The following ESRRB variants were observed in gnomAD, a reference collection of about 807,000 sequenced individuals.
ESRRB encodes steroid hormone receptor ERR2.
Under a neutral mutation model 46.0 loss-of-function variants are expected in ESRRB, and 16 were observed. The ratio of observed to expected loss-of-function variants is 0.35; its 90% CI spans 0.24 to 0.53. ESRRB has a LOEUF of 0.53. Among genes scored for constraint, ESRRB ranks in the 20% least tolerant of loss-of-function variants. ESRRB has a pLI of 0.93. For synonymous variants in ESRRB, 246 were observed against 259.6 expected (o/e 0.95, Z 0.50); for missense variants, 488 against 607.4 (o/e 0.80, Z 2.07).
At chr14:76,405,120 A>G (rs530060109) in intron 1 of ESRRB, among the ~76,000 whole-genome samples, 43 of 152,092 alleles carry the variant, frequency 2.8e-4, no homozygotes, top group Admixed American at 1.8e-3. Context: ...ATTGTTTTTT[A>G]GATAGGGCCT....
chr14:76,407,601 G>C, intron 1 of ESRRB: 1 of 985,944 alleles, frequency 1.0e-6, no homozygotes. Context: ...CAGAGGGTAA[G>C]TTGGGTCCAG....
intron 1 of ESRRB, among the ~76,000 whole-genome samples, chr14:76,419,110 G>T (rs1161482038): frequency 5.9e-5 from 9 of 152,028 alleles, no homozygotes; most frequent in Admixed American, 2.6e-4. Flanking sequence ...CGCCTCTCAG[G>T]TTCAAACGAT....
chr14:76,463,198 C>T (rs1381581648), intron 3 of ESRRB: 1 of 213,456 alleles, frequency 4.7e-6, no homozygotes, highest in African/African-American at 2.3e-5. Context: ...CTCCCTGCGT[C>T]CTCTGTCTCT....
intron 1 of ESRRB, among the ~76,000 whole-genome samples, chr14:76,431,466 C>T (rs1273260239): frequency 3.3e-5 from 5 of 152,158 alleles, no homozygotes; most frequent in Non-Finnish European, 7.3e-5. Context: ...CTTTGTAATC[C>T]AGCAGAGCAA....
intron 2 of ESRRB, among the ~76,000 whole-genome samples, chr14:76,450,240 C>T (rs991710493): frequency 1.3e-5 from 2 of 152,044 alleles, no homozygotes; most frequent in South Asian, 2.1e-4. Context: ...CTGGGACCAG[C>T]GTTCCAGGCA....
At position 76,333,170 on chromosome 14, in the gene ESRRB, T is replaced by A. The variant is rs1284518433; in HGVS notation, c.2+22254T>A. 8.8e-4 allele frequency among the ~76,000 whole-genome samples: 16 copies of A among 18,248 alleles called. 5 individuals are homozygous for A. 12.0% of individuals were successfully genotyped at this position (18,248 alleles called of 152,430 possible). On this transcript the variant is annotated intron_variant, in intron 1 of 6. Coordinates refer to the ESRRB transcript ENST00000512784. Reference sequence around the variant, plus strand: ...TATATTATATATAATATATATTATATATACTATATATATATTATATATTAT... The same window carrying A: ...TATATTATATATAATATATATTATAAATACTATATATATATTATATATTAT...
chr14:76,331,058 A>C (rs534718849), intron 1 of ESRRB, among the ~76,000 whole-genome samples: 31 of 152,082 alleles, frequency 2.0e-4, no homozygotes, highest in African/African-American at 7.5e-4. Flanking sequence ...AACTTGGGGG[A>C]GATGGCCAAG....
intron 3 of ESRRB, among the ~76,000 whole-genome samples, chr14:76,477,287 G>A (rs549533088): frequency 2.0e-5 from 3 of 152,252 alleles, no homozygotes; most frequent in Admixed American, 1.3e-4. Context: ...AGAACCCATC[G>A]AATCGAAGAG....
intron 1 of ESRRB, among the ~76,000 whole-genome samples, chr14:76,341,450 G>C (rs751583528): frequency 1.3e-5 from 2 of 152,222 alleles, no homozygotes; most frequent in Non-Finnish European, 2.9e-5. Context: ...GTTTCACCCG[G>C]CTCTCCTGCC....
intron 3 of ESRRB, among the ~76,000 whole-genome samples, chr14:76,465,655 CT>C (rs1889075591): frequency 6.6e-6 from 1 of 152,164 alleles, no homozygotes; most frequent in Non-Finnish European, 1.5e-5. Context: ...AAATATAGCC[CT>C]TTGGTTGATG....
chr14:76,386,387 A>G (rs1885228011), intron 1 of ESRRB, among the ~76,000 whole-genome samples: 1 of 151,822 alleles, frequency 6.6e-6, no homozygotes, highest in Non-Finnish European at 1.5e-5. Context: ...GATAAGAAAC[A>G]CATTGCTCTT....
intron 1 of ESRRB, among the ~76,000 whole-genome samples, chr14:76,342,426 A>G (rs1884202073): frequency 1.3e-5 from 2 of 152,186 alleles, no homozygotes; most frequent in African/African-American, 2.4e-5. Flanking sequence ...GAGCCCTCAG[A>G]CCACTCCAAG....
chr14:76,494,995 T>C (rs1890366682), intron 6 of ESRRB, among the ~76,000 whole-genome samples: 1 of 152,200 alleles, frequency 6.6e-6, no homozygotes, highest in Admixed American at 6.5e-5. Flanking sequence ...TCAGCTGCTC[T>C]TCCCTTGATC....
rs1890639546 is a variant in ESRRB, at chr14:76,500,989, G to A, written c.*2531G>A. On this transcript the variant is annotated 3_prime_UTR_variant, in exon 7 of 7. Transcript: ENST00000644823. The stretch of plus-strand genomic sequence containing the variant: ...GGACACTCAGAAAAGAAGTTCAGGG[G>A]CCAACTTCTTAGCTGGAATCCTGGC... The A allele has an allele frequency of 5.5e-6, 3 of 543,902 alleles. No individual in the cohort carries two copies. Among genetic ancestry groups the A allele is most frequent in the Non-Finnish European group, 9.9e-6 (3 of 303,196 alleles). 33.7% of individuals were successfully genotyped at this position (543,902 alleles called of 1,614,324 possible). A position where few individuals can be genotyped will look rare whatever the true frequency, so the allele number is the denominator to read the frequency against.
rs552106471 is a variant in ESRRB, at chr14:76,494,507, A to G, written c.1120+2791A>G. 3.3e-5 allele frequency among the ~76,000 whole-genome samples: 5 copies of G among 152,208 alleles called. No individual in the cohort carries two copies. The East Asian group carries it at 9.7e-4, about 29-fold the overall frequency. On this transcript the variant is annotated intron_variant, in intron 6 of 6. Coordinates refer to ENST00000644823, the MANE Select transcript of ESRRB (RefSeq NM_001379180.1). ...TTTTTAGTAGAGACATGGTTTCACC[A>G]TGTTGGCCAGGCTGGTCTCAAACTC...
intron 2 of ESRRB, among the ~76,000 whole-genome samples, chr14:76,459,249 T>C (rs1236927245): frequency 6.6e-6 from 1 of 152,058 alleles, no homozygotes; most frequent in Non-Finnish European, 1.5e-5. Flanking sequence ...CTGACAAGCA[T>C]TCGCCAGTGT....
intron 1 of ESRRB, among the ~76,000 whole-genome samples, chr14:76,355,321 CT>C (rs1343386940): frequency 1.3e-5 from 2 of 152,232 alleles, no homozygotes; most frequent in East Asian, 3.9e-4. Context: ...CCCTGGCAGA[CT>C]TTTACCACGC....
Position 76,458,182 on chromosome 14 carries a change from C to T in ESRRB, c.461-4363C>T, listed in dbSNP as rs183208140. Among the ~76,000 whole-genome samples the T allele has an allele frequency of 1.8e-3, 278 of 152,260 alleles. 5 individuals carry two copies. The East Asian group carries it at 0.042, about 23-fold the overall frequency. ...GTCCTGAGAGAACTCATCCCCAAAA[C>T]TGCCACACCTCAGCTGCACGTGTGT... On this transcript the variant is annotated intron_variant, in intron 2 of 6. Coordinates refer to ENST00000644823, the MANE Select transcript of ESRRB (RefSeq NM_001379180.1).
chr14:76,326,726 C>T (rs55892555), intron 1 of ESRRB, among the ~76,000 whole-genome samples: 8,214 of 152,284 alleles, frequency 0.054, 314 homozygotes, highest in Middle Eastern at 0.14. Context: ...TGGGGCTGCA[C>T]GACTCCCTCC....
Sources: gnomAD v4.1 joint callset for allele counts (sites outside exome capture counted in the v4.1 genomes callset) on GRCh38, gnomAD v4.1.1 for gene constraint, MANE v1.5 for transcripts, NCBI Gene and HGNC (gene_info 2026-07-23, HGNC 2026-07-21) for gene names.